Variants in ANKS1B observed in about 807,000 individuals in gnomAD.
ANKS1B encodes the protein ankyrin repeat and sterile alpha motif domain containing 1B, also known as ankyrin repeat and sterile alpha motif domain-containing protein 1B.
A neutral mutation model predicts 148.3 loss-of-function variants in ANKS1B; 36 were observed. The observed-to-expected ratio is 0.24, with a 90% CI of 0.19 to 0.32. The LOEUF (loss-of-function observed/expected upper bound fraction) is 0.32, where lower values mean the gene tolerates loss of function less well. Among genes scored for constraint, ANKS1B ranks in the 10% least tolerant of loss-of-function variants. The pLI is 1.00. For synonymous variants in ANKS1B, 542 were observed against 560.8 expected (o/e 0.97, Z 0.47); for missense variants, 1,157 against 1,542.6 (o/e 0.75, Z 4.19).
At chr12:99,723,849 C>T (rs895144240) in intron 8 of ANKS1B, among the ~76,000 whole-genome samples, 8 of 151,996 alleles carry the variant, frequency 5.3e-5, no homozygotes, top group Admixed American at 4.6e-4. Flanking sequence ...GGCACAGGAG[C>T]GAGCCAGATG....
At chr12:99,312,492 GT>G (rs887285868) in intron 12 of ANKS1B, among the ~76,000 whole-genome samples, 20 of 152,200 alleles carry the variant, frequency 1.3e-4, no homozygotes, top group African/African-American at 4.8e-4. Flanking sequence ...AGAACTGTAA[GT>G]CTGCTTGTCT....
At chr12:99,898,858 AAC>A (rs2093484409) in intron 1 of ANKS1B, among the ~76,000 whole-genome samples, 2 of 152,198 alleles carry the variant, frequency 1.3e-5, no homozygotes, top group Non-Finnish European at 1.5e-5. Flanking sequence ...TGATGACGAC[AAC>A]AACAACAACA....
At position 99,648,503 on chromosome 12, in the gene ANKS1B, C is replaced by T. The variant is rs143631956; in HGVS notation, c.1272+6564G>A. On this transcript the variant is annotated intron_variant, in intron 9 of 26. Coordinates refer to ENST00000683438, the MANE Select transcript of ANKS1B (RefSeq NM_001352186.2). ...CCTGCCACCCAGAAAAGAGAAAGTC[C>T]GCCTGCAGAGATCTTAGAACTAACC... The T allele has an allele frequency of 1.2e-4, 195 of 1,614,104 alleles. 1 individual carries two copies. The African/African-American group carries it at 1.9e-3, about 16-fold the overall frequency.
chr12:99,312,923 A>G (rs1017771895), intron 12 of ANKS1B, among the ~76,000 whole-genome samples: 9 of 152,184 alleles, frequency 5.9e-5, no homozygotes, highest in African/African-American at 2.2e-4. Flanking sequence ...AACTAAGATG[A>G]GAGCAGAACT....
At chr12:98,995,037 A>G (rs1414027785) in intron 17 of ANKS1B, among the ~76,000 whole-genome samples, 2 of 152,198 alleles carry the variant, frequency 1.3e-5, no homozygotes, top group Non-Finnish European at 2.9e-5. Flanking sequence ...GGCTATATGA[A>G]ATAGTAAGTG....
At chr12:99,771,965 C>G (rs980713597) in intron 8 of ANKS1B, among the ~76,000 whole-genome samples, 22 of 152,024 alleles carry the variant, frequency 1.4e-4, no homozygotes, top group African/African-American at 5.3e-4. Context: ...ATACTTAACA[C>G]AGTTCACTCT....
intron 12 of ANKS1B, among the ~76,000 whole-genome samples, chr12:99,294,941 T>G (rs114485632): frequency 1.3e-5 from 2 of 152,284 alleles, no homozygotes; most frequent in African/African-American, 4.8e-5. Flanking sequence ...TTAAAATAAC[T>G]AAAAGAATAT....
chr12:99,843,684 T>C (rs868636452), intron 1 of ANKS1B, among the ~76,000 whole-genome samples: 1 of 152,074 alleles, frequency 6.6e-6, no homozygotes, highest in Non-Finnish European at 1.5e-5. Flanking sequence ...TGATTCCATG[T>C]CTTTGTTTTG....
chr12:99,939,005 C>T (rs754534161), intron 1 of ANKS1B, among the ~76,000 whole-genome samples: 1 of 152,146 alleles, frequency 6.6e-6, no homozygotes, highest in Non-Finnish European at 1.5e-5. Flanking sequence ...ATATAATAAC[C>T]ACCTTTTCTT....
intron 14 of ANKS1B, among the ~76,000 whole-genome samples, chr12:99,239,232 T>C (rs114151884): frequency 8.5e-5 from 13 of 152,128 alleles, no homozygotes; most frequent in African/African-American, 2.4e-4. Flanking sequence ...AATGACCTGA[T>C]GGAACTGAAA....
At chr12:99,656,004 T>C (rs866745092) in intron 8 of ANKS1B, among the ~76,000 whole-genome samples, 1 of 152,040 alleles carries the variant, frequency 6.6e-6, no homozygotes. Context: ...AAACTCAGTA[T>C]CAGAAAGAAT....
rs746169810 is a variant in ANKS1B, at chr12:99,303,616, CTATTTTATCT to C, written c.1757-56762_1757-56753del. Among the ~76,000 whole-genome samples the C allele has an allele frequency of 6.6e-5, 10 of 151,956 alleles. No homozygotes were observed. The East Asian group carries it at 9.6e-4, about 15-fold the overall frequency. On this transcript the variant is annotated intron_variant, in intron 12 of 26. Coordinates refer to ENST00000683438, the MANE Select transcript of ANKS1B (RefSeq NM_001352186.2). The stretch of plus-strand genomic sequence containing the variant: ...AAGGCAAAGTAGAAGAACACAGAGA[CTATTTTATCT>C]TATTTTATTTTTACGTATTTCAATA...
At chr12:99,360,310 C>G (rs901817021) in intron 12 of ANKS1B, among the ~76,000 whole-genome samples, 1 of 152,082 alleles carries the variant, frequency 6.6e-6, no homozygotes, top group African/African-American at 2.4e-5. Context: ...TCTTCAAAGT[C>G]CTTACTACCT....
chr12:99,977,855 T>C (rs934652679), intron 1 of ANKS1B, among the ~76,000 whole-genome samples: 5 of 152,240 alleles, frequency 3.3e-5, no homozygotes, highest in African/African-American at 1.2e-4. Context: ...CAACATATGA[T>C]GAGTAATAAA....
Position 99,443,723 on chromosome 12 carries a change from G to C in ANKS1B, c.1525C>G (p.Pro509Ala). 1 of 1,612,390 alleles carries C rather than the reference G, an allele frequency of 6.2e-7. No homozygotes were observed. Among genetic ancestry groups the C allele is most frequent in the Non-Finnish European group, 8.5e-7 (1 of 1,178,926 alleles). ...STGPTPDCSP[P>A]SPDTALKNIV... ...TTTTTGAGGGCAGTATCAGGGGATG[G>C]AGGTGAACAATCAGGTGTTGGGCCT... The change falls in exon 11 of 27, where the codon CCA becomes GCA. Residue 509 changes from proline to alanine, a missense_variant. Pro to Ala is a conservative substitution (Grantham distance 27). Around this residue, in one of 6 missense-constraint regions of ANKS1B, gnomAD observed 661 missense variants for 642.1 expected, o/e 1.03. Coordinates refer to ENST00000683438, the MANE Select transcript of ANKS1B (RefSeq NM_001352186.2).
At chr12:99,469,553 A>G (rs962108230) in intron 10 of ANKS1B, among the ~76,000 whole-genome samples, 3 of 152,168 alleles carry the variant, frequency 2.0e-5, no homozygotes, top group Non-Finnish European at 4.4e-5. Context: ...TACACATTAC[A>G]GTAGAATTCA....
At chr12:99,816,114 G>A (rs1169431587) in intron 2 of ANKS1B, among the ~76,000 whole-genome samples, 2 of 151,808 alleles carry the variant, frequency 1.3e-5, no homozygotes, top group African/African-American at 4.8e-5. Context: ...GCGTAAAAGT[G>A]TTCCCTTTTC....
chr12:99,116,099 T>C (rs765203289), intron 15 of ANKS1B, among the ~76,000 whole-genome samples: 19 of 152,194 alleles, frequency 1.2e-4, no homozygotes, highest in Admixed American at 5.9e-4. Flanking sequence ...TTGTGTAGGA[T>C]TGCTGCAAGG....
chr12:99,764,609 G>T (rs942669074), intron 8 of ANKS1B, among the ~76,000 whole-genome samples: 11 of 152,136 alleles, frequency 7.2e-5, no homozygotes, highest in African/African-American at 2.7e-4. Context: ...TTTTAGTAAA[G>T]ATGGAGTTTC....
Sources: allele counts gnomAD v4.1 joint callset (sites outside exome capture counted in the v4.1 genomes callset), GRCh38; gene constraint gnomAD v4.1.1; regional missense constraint gnomAD v4.1.1; transcripts MANE v1.5; gene names NCBI Gene and HGNC (gene_info 2026-07-23, HGNC 2026-07-21).